WDR88: variants seen among roughly 807,000 people sequenced by gnomAD.
WDR88 encodes the protein WD repeat domain 88, also known as WD repeat-containing protein 88.
WDR88 carries 40 observed loss-of-function variants against 46.8 expected under a neutral mutation model. That is an observed-to-expected ratio of 0.86 (90% CI 0.66 to 1.11). The LOEUF (loss-of-function observed/expected upper bound fraction) is 1.11, where lower values mean the gene tolerates loss of function less well. Ranked by LOEUF, WDR88 falls within the 50% of genes most tolerant of loss-of-function variation. The pLI, the probability that WDR88 is intolerant of heterozygous loss-of-function variation, is 0.00. For synonymous variants in WDR88, 235 were observed against 240.7 expected (o/e 0.98, Z 0.22); for missense variants, 562 against 602.4 (o/e 0.93, Z 0.70).
At chr19:33,171,413 A>C (rs937763163) in intron 9 of WDR88, among the ~76,000 whole-genome samples, 1 of 152,174 alleles carries the variant, frequency 6.6e-6, no homozygotes. Flanking sequence ...TTTAGGCAGC[A>C]TGAAGTCAAC....
At position 33,172,237 on chromosome 19, in the gene WDR88, CTCTG is replaced by C. The variant is rs145139263; in HGVS notation, c.1150-107_1150-104del. 1.0e-3 allele frequency: 912 copies of C among 869,434 alleles called. 6 individuals carry two copies. The African/African-American group carries it at 0.014, about 13-fold the overall frequency. 53.9% of individuals were successfully genotyped at this position (869,434 alleles called of 1,614,324 possible). ...GCATAACAATGTGCATTGAAGGTTC[CTCTG>C]TCTTTTTGTGCCTTGACAGCCCATG... On this transcript the variant is annotated intron_variant, in intron 9 of 10. Transcript: ENST00000355868.
intron 6 of WDR88, among the ~76,000 whole-genome samples, chr19:33,151,822 G>A (rs549271432): frequency 6.6e-6 from 1 of 152,278 alleles, no homozygotes; most frequent in African/African-American, 2.4e-5. Context: ...TGAGGCTGCT[G>A]TGAGCTATGA....
chr19:33,156,332 G>A (rs1973734197), intron 6 of WDR88, 23 bp from the exon 7 acceptor site: 1 of 1,611,312 alleles, frequency 6.2e-7, no homozygotes, highest in Non-Finnish European at 8.5e-7. Flanking sequence ...GCTAATGTGT[G>A]CACCCCACCA....
intron 3 of WDR88, among the ~76,000 whole-genome samples, chr19:33,145,947 G>A (rs986005813): frequency 1.8e-4 from 28 of 152,118 alleles, no homozygotes; most frequent in African/African-American, 6.5e-4. Context: ...AAAATAAGTA[G>A]TCTCTTAAAC....
At chr19:33,166,405 C>T (rs771702639) in intron 9 of WDR88, among the ~76,000 whole-genome samples, 1 of 150,874 alleles carries the variant, frequency 6.6e-6, no homozygotes, top group Non-Finnish European at 1.5e-5. Flanking sequence ...GCCTAGGCAA[C>T]GTGGCAAAAC....
chr19:33,173,329 C>T (rs1207312343), intron 10 of WDR88, among the ~76,000 whole-genome samples: 3 of 152,140 alleles, frequency 2.0e-5, no homozygotes, highest in Non-Finnish European at 2.9e-5. Context: ...CCCCACTTCC[C>T]ATGCAAAAGG....
At chr19:33,150,759 C>T (rs1268203081) in intron 5 of WDR88, among the ~76,000 whole-genome samples, 1 of 152,288 alleles carries the variant, frequency 6.6e-6, no homozygotes, top group Non-Finnish European at 1.5e-5. Context: ...CACACTGCTC[C>T]ATGATCCGGC....
chr19:33,157,547 A>G (rs1973763918), intron 7 of WDR88, among the ~76,000 whole-genome samples: 1 of 132,174 alleles, frequency 7.6e-6, no homozygotes, highest in Non-Finnish European at 1.6e-5. Flanking sequence ...ATATGTATAT[A>G]TATGTGTATA....
At chr19:33,151,089 T>C in intron 5 of WDR88, 92 bp from the exon 6 acceptor site, 1 of 1,432,478 alleles carries the variant, frequency 7.0e-7, no homozygotes, top group South Asian at 1.3e-5. Context: ...AATTGTGTTT[T>C]GTAATCGTCA....
intron 2 of WDR88, among the ~76,000 whole-genome samples, chr19:33,138,009 T>C (rs1973310900): frequency 6.6e-6 from 1 of 151,032 alleles, no homozygotes. Context: ...GGGAATGGGA[T>C]GGAGACCTCT....
At position 33,137,810 on chromosome 19, in the gene WDR88, C is replaced by A. The variant is rs779458656; in HGVS notation, c.387+23C>A. ...TGGGTAGGTGGCCGGCTGTTAGGTA[C>A]TCCTGGAGCGAAAACCTTTCCTAAG... On this transcript the variant is annotated intron_variant, in intron 2 of 10. Coordinates refer to ENST00000355868, the MANE Select transcript of WDR88 (RefSeq NM_173479.4). 7.5e-6 allele frequency: 12 copies of A among 1,601,702 alleles called. No homozygotes were observed. The South Asian group carries it at 1.2e-4, about 16-fold the overall frequency.
At chr19:33,147,610 A>AT in intron 3 of WDR88, 35 bp from the exon 4 acceptor site, 1 of 1,609,014 alleles carries the variant, frequency 6.2e-7, no homozygotes, top group East Asian at 2.2e-5. Flanking sequence ...CTCAAAAAAA[A>AT]GAACCAGTGT....
At chr19:33,150,601 C>T (rs1212765193) in intron 5 of WDR88, among the ~76,000 whole-genome samples, 1 of 152,250 alleles carries the variant, frequency 6.6e-6, no homozygotes, top group Non-Finnish European at 1.5e-5. Flanking sequence ...AGTGTTTGCA[C>T]ACACAACACT....
intron 1 of WDR88, among the ~76,000 whole-genome samples, chr19:33,135,205 A>G (rs1973237721): frequency 6.6e-6 from 1 of 152,028 alleles, no homozygotes; most frequent in East Asian, 1.9e-4. Flanking sequence ...CCAGTTCCCC[A>G]ATACCCATCC....
In WDR88 at chr19:33,137,724, C is replaced by A; in HGVS notation, c.324C>A (p.Cys108Ter). Residue 108 changes from cysteine (C) to a stop codon, truncating the protein, a stop_gained, in exon 2 of 11, where the codon TGC (cysteine) becomes TGA (stop). Coordinates refer to ENST00000355868, the MANE Select transcript of WDR88 (RefSeq NM_173479.4). LOFTEE classifies it high-confidence loss of function. ...LSGHEHAVST[C>*]HFCVDDTKLL... ...GGCACGAGCACGCTGTGAGCACCTGCCACTTCTGTGTGGATGACACAAAGC... is the reference window on the plus strand; with the variant it reads ...GGCACGAGCACGCTGTGAGCACCTGACACTTCTGTGTGGATGACACAAAGC... 6.2e-7 allele frequency: 1 copy of A among 1,614,006 alleles called. No individual in the cohort carries two copies. Among genetic ancestry groups the A allele is most frequent in the Non-Finnish European group, 8.5e-7 (1 of 1,180,024 alleles).
chr19:33,149,830 T>C (rs1242584674), intron 5 of WDR88, among the ~76,000 whole-genome samples: 3 of 152,024 alleles, frequency 2.0e-5, no homozygotes, highest in Admixed American at 1.3e-4. Context: ...CAGCTAATTT[T>C]TGTATTTTTA....
intron 7 of WDR88, 93 bp downstream of exon 7, chr19:33,156,635 C>A: frequency 7.2e-7 from 1 of 1,381,576 alleles, no homozygotes; most frequent in Non-Finnish European, 9.7e-7. Flanking sequence ...AGGCAATTTC[C>A]AATGATGCTG....
intron 1 of WDR88, 71 bp downstream of exon 1, chr19:33,132,516 G>A (rs933733542): frequency 8.9e-6 from 14 of 1,566,370 alleles, no homozygotes; most frequent in Admixed American, 3.6e-5. Flanking sequence ...TCGAGCTGTC[G>A]GGGGACCCAT....
intron 2 of WDR88, among the ~76,000 whole-genome samples, chr19:33,139,196 C>G (rs372530432): frequency 6.6e-6 from 1 of 152,262 alleles, no homozygotes; most frequent in South Asian, 2.1e-4. Flanking sequence ...AGATCAGCAC[C>G]CCAAGGTGCA....
Sources: gnomAD v4.1 joint callset for allele counts (sites outside exome capture counted in the v4.1 genomes callset) on GRCh38, gnomAD v4.1.1 for gene constraint, MANE v1.5 for transcripts, NCBI Gene and HGNC (gene_info 2026-07-23, HGNC 2026-07-21) for gene names.